The following ADGRL3 variants were observed in gnomAD, a reference collection of about 807,000 sequenced individuals.
ADGRL3 encodes the protein calcium-independent alpha-latrotoxin receptor 3.
ADGRL3 carries 62 observed loss-of-function variants against 153.5 expected under a neutral mutation model. The observed-to-expected ratio is 0.40, with a 90% CI of 0.33 to 0.50. ADGRL3 has a LOEUF of 0.50. Among genes scored for constraint, ADGRL3 ranks in the 20% least tolerant of loss-of-function variants. The pLI, the probability that ADGRL3 is intolerant of heterozygous loss-of-function variation, is 0.47. For synonymous variants in ADGRL3, 710 were observed against 672.5 expected, an observed-to-expected ratio of 1.06 and a Z score of -0.86; for missense variants, 1,641 against 1,859.4, an observed-to-expected ratio of 0.88 and a Z score of 2.16.
In ADGRL3 at chr4:61,295,628, A is replaced by G. The variant is rs570343576; in HGVS notation, c.-239-87496A>G. Reference sequence around the variant, plus strand: ...ACCTCATCAAATCTCCTATAAAACAATTGATTTCTGTATAATACTTAGGAA... The same window carrying G: ...ACCTCATCAAATCTCCTATAAAACAGTTGATTTCTGTATAATACTTAGGAA... On this transcript the variant is annotated intron_variant, in intron 1 of 26. Transcript: ENST00000683033. Among the ~76,000 whole-genome samples, 5 of 152,112 alleles carry G rather than the reference A, an allele frequency of 3.3e-5. 1 individual carries two copies. The highest frequency in any genetic ancestry group is 1.2e-4 in the African/African-American group (5 of 41,508).
At chr4:61,764,635 A>T (rs2096954178) in intron 8 of ADGRL3, among the ~76,000 whole-genome samples, 1 of 152,168 alleles carries the variant, frequency 6.6e-6, no homozygotes, top group South Asian at 2.1e-4. Flanking sequence ...ACTTCAGGCC[A>T]TCTGGGCTTA....
intron 1 of ADGRL3, among the ~76,000 whole-genome samples, chr4:61,336,453 A>G (rs186071279): frequency 2.3e-4 from 35 of 152,162 alleles, no homozygotes; most frequent in South Asian, 1.0e-3. Context: ...CCTTTGTAAC[A>G]TTTGCATTTT....
intron 1 of ADGRL3, among the ~76,000 whole-genome samples, chr4:61,256,101 A>G (rs941305682): frequency 2.0e-5 from 3 of 152,174 alleles, no homozygotes; most frequent in Non-Finnish European, 4.4e-5. Flanking sequence ...TTTTTCAGTG[A>G]ATAAAAAAGT....
chr4:61,645,379 C>T (rs2093924472), intron 5 of ADGRL3, among the ~76,000 whole-genome samples: 1 of 150,442 alleles, frequency 6.6e-6, no homozygotes, highest in African/African-American at 2.4e-5. Context: ...TCTTCCTAGT[C>T]TCGATGGTCT....
At chr4:61,212,767 C>T (rs1390788793) in intron 1 of ADGRL3, among the ~76,000 whole-genome samples, 2 of 152,130 alleles carry the variant, frequency 1.3e-5, no homozygotes, top group African/African-American at 4.8e-5. Context: ...TAGCAGAAAT[C>T]TTATGTACAA....
rs1198181917 is a variant in ADGRL3 at position 61,775,431 on chromosome 4, T to TGTGTGC, written c.1400-38377_1400-38376insTGTGCG. 2.2e-5 allele frequency: 15 copies of TGTGTGC among 680,814 alleles called. 1 individual carries two copies. The African/African-American group carries it at 2.3e-4, about 10-fold the overall frequency. The allele number at this position is 680,814 out of a possible 1,614,324, so 42.2% of individuals were successfully genotyped here. ...GTGTGTGTGTGTGTGTGTGTGTGTGTGCCAAAGATTTATGTCTTCATTTCT... is the reference window on the plus strand; with the variant it reads ...GTGTGTGTGTGTGTGTGTGTGTGTGTGTGTGCGCCAAAGATTTATGTCTTCATTTCT... On this transcript the variant is annotated intron_variant, in intron 8 of 26. Coordinates refer to ENST00000683033, the MANE Select transcript of ADGRL3 (RefSeq NM_001387552.1).
intron 1 of ADGRL3, among the ~76,000 whole-genome samples, chr4:61,308,931 A>T (rs899438613): frequency 6.6e-6 from 1 of 152,154 alleles, no homozygotes; most frequent in African/African-American, 2.4e-5. Context: ...AATATATGAT[A>T]CTATTTGGCC....
At chr4:61,790,519 A>G (rs750934055) in intron 8 of ADGRL3, among the ~76,000 whole-genome samples, 2 of 152,252 alleles carry the variant, frequency 1.3e-5, no homozygotes, top group Non-Finnish European at 2.9e-5. Flanking sequence ...ATAATAAAAT[A>G]GAAACAATTA....
chr4:61,528,242 C>A (rs974937391), intron 4 of ADGRL3, among the ~76,000 whole-genome samples: 9 of 152,044 alleles, frequency 5.9e-5, no homozygotes, highest in African/African-American at 1.9e-4. Flanking sequence ...TTGCAGCAAG[C>A]CATCAGTGTT....
At chr4:61,327,158 C>G (rs969840326) in intron 1 of ADGRL3, among the ~76,000 whole-genome samples, 3 of 152,030 alleles carry the variant, frequency 2.0e-5, no homozygotes, top group African/African-American at 7.2e-5. Flanking sequence ...AAAGAAGCCA[C>G]TAAGGTGCAA....
intron 2 of ADGRL3, among the ~76,000 whole-genome samples, chr4:61,472,467 A>C (rs1351241321): frequency 2.0e-5 from 3 of 152,074 alleles, no homozygotes; most frequent in African/African-American, 7.2e-5. Flanking sequence ...CTTTATAGGG[A>C]TACATCATGA....
intron 25 of ADGRL3, among the ~76,000 whole-genome samples, chr4:62,053,111 A>T (rs1282276291): frequency 6.6e-6 from 1 of 151,466 alleles, no homozygotes; most frequent in Non-Finnish European, 1.5e-5. Context: ...GTTAATTCTA[A>T]CAGAGTCATC....
rs568713071 is a variant in ADGRL3 at position 61,668,824 on chromosome 4, C to T, written c.474-8002C>T. Among the ~76,000 whole-genome samples, 169 of 152,164 alleles carry T rather than the reference C, an allele frequency of 1.1e-3. 2 individuals are homozygous for T. The highest frequency in any genetic ancestry group is 3.5e-3 in the South Asian group (17 of 4,812). ...CTTGAGCCCAGGAGTTTGAGACCAG[C>T]CTAGGTAACACAGTGAGACCTCATC... is the stretch of plus-strand genomic sequence containing the variant. On this transcript the variant is annotated intron_variant, in intron 5 of 26. Coordinates refer to ENST00000683033, the MANE Select transcript of ADGRL3 (RefSeq NM_001387552.1).
At chr4:61,694,176 ATTATTTTTTTTTTTTTTTTTTT>A (rs1554005742) in intron 6 of ADGRL3, among the ~76,000 whole-genome samples, 43,800 of 94,586 alleles carry the variant, frequency 0.46, 8,919 homozygotes, top group East Asian at 0.62. Context: ...AAATTTTGTC[ATTATTTTTTTTTTTTTTTTTTT>A]TTTTTTTTTT....
chr4:61,863,738 C>T (rs2098372579), intron 9 of ADGRL3, among the ~76,000 whole-genome samples: 1 of 152,132 alleles, frequency 6.6e-6, no homozygotes, highest in Non-Finnish European at 1.5e-5. Context: ...AAGGTAATAA[C>T]TTTTTATTGG....
intron 1 of ADGRL3, among the ~76,000 whole-genome samples, chr4:61,376,594 A>G (rs2096605676): frequency 6.6e-6 from 1 of 152,236 alleles, no homozygotes; most frequent in South Asian, 2.1e-4. Flanking sequence ...CATCTTGCTC[A>G]TATGGAATTT....
At chr4:61,667,850 AG>A (rs2094853048) in intron 5 of ADGRL3, among the ~76,000 whole-genome samples, 3 of 152,220 alleles carry the variant, frequency 2.0e-5, no homozygotes, top group Admixed American at 2.0e-4. Flanking sequence ...AAGAAAAATA[AG>A]TGTACATCAC....
intron 4 of ADGRL3, among the ~76,000 whole-genome samples, chr4:61,575,655 G>C (rs975765600): frequency 3.6e-4 from 54 of 151,914 alleles, no homozygotes; most frequent in African/African-American, 1.2e-3. Flanking sequence ...TTATTTGTTG[G>C]ACAAATTAAT....
In ADGRL3 at chr4:61,335,363, G is replaced by A. The variant is rs140780741; in HGVS notation, c.-239-47761G>A. ...ACCATTACTGTTTAAGATTATCCCT[G>A]TAATGAGAAATCACAGCATGCCTCT... is the stretch of plus-strand genomic sequence containing the variant. On this transcript the variant is annotated intron_variant, in intron 1 of 26. Coordinates refer to ENST00000683033, the MANE Select transcript of ADGRL3 (RefSeq NM_001387552.1). Among the ~76,000 whole-genome samples the A allele has an allele frequency of 4.6e-5, 7 of 152,202 alleles. No individual in the cohort carries two copies. The East Asian group carries it at 1.2e-3, about 25-fold the overall frequency.
Sources: allele counts gnomAD v4.1 joint callset (sites outside exome capture counted in the v4.1 genomes callset), GRCh38; gene constraint gnomAD v4.1.1; transcripts MANE v1.5; gene names NCBI Gene and HGNC (gene_info 2026-07-23, HGNC 2026-07-21).